Variants in CNTN5 observed in about 807,000 individuals in gnomAD.
CNTN5 encodes contactin-5.
Under a neutral mutation model 129.1 loss-of-function variants are expected in CNTN5, and 77 were observed. The ratio of observed to expected loss-of-function variants is 0.60; its 90% CI spans 0.50 to 0.72. CNTN5 has a LOEUF of 0.72. CNTN5 is among the 30% of genes least tolerant of loss of function. The pLI is 0.00. For synonymous variants in CNTN5, 509 were observed against 465.6 expected (o/e 1.09, Z -1.20); for missense variants, 1,478 against 1,328.8 (o/e 1.11, Z -1.75).
chr11:100,118,652 A>C (rs1478597045), intron 13 of CNTN5, among the ~76,000 whole-genome samples: 1 of 151,856 alleles, frequency 6.6e-6, no homozygotes, highest in Non-Finnish European at 1.5e-5. Flanking sequence ...ATTTTATATT[A>C]GTGTCATATT....
chr11:100,265,094 C>T (rs1950276003), intron 17 of CNTN5, among the ~76,000 whole-genome samples: 1 of 151,762 alleles, frequency 6.6e-6, no homozygotes. Context: ...TTTCAGAGTT[C>T]TTTTTTAATT....
intron 3 of CNTN5, among the ~76,000 whole-genome samples, chr11:99,675,386 G>A (rs1953231547): frequency 6.6e-6 from 1 of 152,034 alleles, no homozygotes; most frequent in Non-Finnish European, 1.5e-5. Context: ...TTTGGTAAAA[G>A]AGTAAAAAAA....
chr11:99,345,742 G>A (rs1006662529), intron 2 of CNTN5, among the ~76,000 whole-genome samples: 1 of 152,126 alleles, frequency 6.6e-6, no homozygotes, highest in Non-Finnish European at 1.5e-5. Context: ...ATATATATTT[G>A]TTGCTATGCA....
intron 21 of CNTN5, among the ~76,000 whole-genome samples, chr11:100,325,924 T>C (rs562327181): frequency 3.9e-5 from 6 of 152,244 alleles, no homozygotes; most frequent in Non-Finnish European, 7.3e-5. Flanking sequence ...AGCTTTAGTA[T>C]GAATTCCTTT....
At chr11:99,153,549 T>A (rs775563818) in intron 1 of CNTN5, among the ~76,000 whole-genome samples, 1 of 152,008 alleles carries the variant, frequency 6.6e-6, no homozygotes, top group Non-Finnish European at 1.5e-5. Context: ...TGTTTTATTG[T>A]ATTCCATAGA....
chr11:99,469,897 T>C (rs1218444231), intron 2 of CNTN5, among the ~76,000 whole-genome samples: 1 of 152,214 alleles, frequency 6.6e-6, no homozygotes, highest in Non-Finnish European at 1.5e-5. Context: ...TACTTTTCTT[T>C]ATGAATAATA....
intron 1 of CNTN5, among the ~76,000 whole-genome samples, chr11:99,294,737 T>C (rs1864309967): frequency 3.3e-5 from 5 of 152,228 alleles, no homozygotes; most frequent in African/African-American, 1.2e-4. Context: ...GGAATGAGGA[T>C]ACTCCTTATT....
At chr11:99,080,418 G>A (rs1043830191) in intron 1 of CNTN5, among the ~76,000 whole-genome samples, 2 of 152,078 alleles carry the variant, frequency 1.3e-5, no homozygotes, top group East Asian at 1.9e-4. Context: ...AAGTTCCCAC[G>A]TTCGTTCCAT....
intron 1 of CNTN5, among the ~76,000 whole-genome samples, chr11:99,029,991 T>C (rs964948494): frequency 4.6e-5 from 7 of 152,238 alleles, no homozygotes; most frequent in Admixed American, 2.0e-4. Flanking sequence ...AATCTAGGGA[T>C]TGACAACTGC....
intron 2 of CNTN5, among the ~76,000 whole-genome samples, chr11:99,474,713 C>T (rs1945303308): frequency 6.6e-6 from 1 of 151,998 alleles, no homozygotes. Context: ...TTTAATGTCA[C>T]TATATTTTTT....
At chr11:100,040,621 G>T (rs1412763663) in intron 9 of CNTN5, among the ~76,000 whole-genome samples, 1 of 152,238 alleles carries the variant, frequency 6.6e-6, no homozygotes, top group Non-Finnish European at 1.5e-5. Context: ...GCTCCACCCA[G>T]TTGGAGCTTC....
intron 3 of CNTN5, among the ~76,000 whole-genome samples, chr11:99,704,750 T>G (rs989413694): frequency 2.6e-5 from 4 of 151,248 alleles, no homozygotes; most frequent in African/African-American, 7.3e-5. Flanking sequence ...ATTATACTTT[T>G]GAAGATGAAA....
At chr11:99,715,786 T>C (rs1349325552) in intron 3 of CNTN5, among the ~76,000 whole-genome samples, 1 of 152,010 alleles carries the variant, frequency 6.6e-6, no homozygotes, top group East Asian at 1.9e-4. Flanking sequence ...CATGATCTCT[T>C]TATTCTTCAT....
At chr11:99,793,593 T>C (rs1205140794) in intron 3 of CNTN5, among the ~76,000 whole-genome samples, 2 of 152,202 alleles carry the variant, frequency 1.3e-5, no homozygotes, top group African/African-American at 4.8e-5. Context: ...CTGCTTTGTA[T>C]GTGTCCCAGA....
In CNTN5 at chr11:99,301,498, G is replaced by A. The variant is rs566894725; in HGVS notation, c.-209-23848G>A. On this transcript the variant is annotated intron_variant, in intron 1 of 24. Coordinates refer to ENST00000524871, the MANE Select transcript of CNTN5 (RefSeq NM_014361.4). ...CAAATATTGTTACTGGAGACAAGAG[G>A]GGCATTGTATTATAAAAATAGTATC... Among the ~76,000 whole-genome samples, 26 of 151,670 alleles carry A rather than the reference G, an allele frequency of 1.7e-4. 1 individual carries two copies. The South Asian group carries it at 4.8e-3, about 28-fold the overall frequency.
chr11:100,041,863 T>A (rs1942397187), intron 9 of CNTN5, among the ~76,000 whole-genome samples: 1 of 152,216 alleles, frequency 6.6e-6, no homozygotes, highest in African/African-American at 2.4e-5. Context: ...CTATATATTC[T>A]GAACCACATG....
intron 17 of CNTN5, among the ~76,000 whole-genome samples, chr11:100,265,007 T>C (rs536986574): frequency 6.6e-6 from 1 of 152,242 alleles, no homozygotes; most frequent in Non-Finnish European, 1.5e-5. Context: ...TTTTTTTATA[T>C]GTTTGTTGGC....
intron 7 of CNTN5, among the ~76,000 whole-genome samples, chr11:99,948,812 C>T (rs987166213): frequency 6.6e-6 from 1 of 152,214 alleles, no homozygotes; most frequent in Non-Finnish European, 1.5e-5. Context: ...TCACCCGATG[C>T]GTGCGCACAT....
intron 9 of CNTN5, among the ~76,000 whole-genome samples, chr11:100,020,543 G>T (rs1941085448): frequency 1.3e-5 from 2 of 152,040 alleles, no homozygotes. Flanking sequence ...CTTTGTGGTA[G>T]ATTCTGAGAT....
Sources: allele counts gnomAD v4.1 joint callset (sites outside exome capture counted in the v4.1 genomes callset), GRCh38; gene constraint gnomAD v4.1.1; transcripts MANE v1.5; gene names NCBI Gene and HGNC (gene_info 2026-07-23, HGNC 2026-07-21).